Variants in NOX3 observed in about 807,000 individuals in gnomAD.
NOX3 encodes the protein NADPH oxidase catalytic subunit-like 3.
NOX3 carries 74 observed loss-of-function variants against 76.7 expected under a neutral mutation model. The observed-to-expected ratio is 0.96, with a 90% CI of 0.80 to 1.17. The LOEUF is 1.17. Ranked by LOEUF, NOX3 falls within the 50% of genes most tolerant of loss-of-function variation. The pLI is 0.00. For synonymous variants in NOX3, 263 were observed against 261.1 expected, an observed-to-expected ratio of 1.01 and a Z score of -0.07; for missense variants, 695 against 703.3, an observed-to-expected ratio of 0.99 and a Z score of 0.13.
At chr6:155,430,368 T>TC (rs551017709) in intron 8 of NOX3, among the ~76,000 whole-genome samples, 52 of 152,192 alleles carry the variant, frequency 3.4e-4, no homozygotes, top group African/African-American at 1.3e-3. Context: ...CCATTTTTCT[T>TC]CCCCACAGTG....
chr6:155,432,801 TC>T (rs1776852080), intron 7 of NOX3, among the ~76,000 whole-genome samples: 1 of 152,044 alleles, frequency 6.6e-6, no homozygotes, highest in South Asian at 2.1e-4. Flanking sequence ...AAACCTTTTG[TC>T]CCCCTATGCT....
At chr6:155,453,515 T>C (rs1343615259) in intron 3 of NOX3, 27 bp from the exon 4 acceptor site, 1 of 1,546,554 alleles carries the variant, frequency 6.5e-7, no homozygotes, top group Non-Finnish European at 8.9e-7. Context: ...ATATGCCTGA[T>C]TTATGGAAAA....
At chr6:155,428,773 A>C (rs747559102) in intron 9 of NOX3, 21 bp downstream of exon 9, 123 of 1,470,756 alleles carry the variant, frequency 8.4e-5, no homozygotes, top group Non-Finnish European at 1.0e-4. Context: ...CAATTTATAC[A>C]TGAGAGAAAT....
chr6:155,428,591 T>TC (rs1448919311), intron 9 of NOX3, among the ~76,000 whole-genome samples: 24 of 148,798 alleles, frequency 1.6e-4, no homozygotes, highest in East Asian at 9.8e-4. Context: ...TTTTTCTTTT[T>TC]TTTTTTTTTT....
intron 10 of NOX3, among the ~76,000 whole-genome samples, chr6:155,412,316 G>A (rs1375198121): frequency 6.6e-6 from 1 of 152,066 alleles, no homozygotes; most frequent in Non-Finnish European, 1.5e-5. Context: ...CAGCTTGTAA[G>A]CTCACGATCA....
intron 12 of NOX3, among the ~76,000 whole-genome samples, chr6:155,403,685 G>A (rs889995851): frequency 8.5e-5 from 13 of 152,184 alleles, no homozygotes; most frequent in African/African-American, 3.1e-4. Context: ...TGGTAATACA[G>A]TTTTGCCACC....
At chr6:155,411,748 A>T (rs1281536202) in intron 10 of NOX3, among the ~76,000 whole-genome samples, 1 of 152,180 alleles carries the variant, frequency 6.6e-6, no homozygotes, top group Non-Finnish European at 1.5e-5. Flanking sequence ...TTATGACCTA[A>T]GCTCTGGATT....
At chr6:155,396,558 T>A (rs1307725495) in intron 13 of NOX3, among the ~76,000 whole-genome samples, 1 of 152,180 alleles carries the variant, frequency 6.6e-6, no homozygotes, top group Non-Finnish European at 1.5e-5. Flanking sequence ...ACTTTTACAA[T>A]GTTTAAAAAT....
chr6:155,447,015 C>T (rs976465917), intron 4 of NOX3, among the ~76,000 whole-genome samples: 1 of 150,874 alleles, frequency 6.6e-6, no homozygotes. Flanking sequence ...TTTATAACTT[C>T]TTTTTTGCAG....
intron 10 of NOX3, among the ~76,000 whole-genome samples, chr6:155,413,696 A>T (rs577618055): frequency 5.1e-4 from 77 of 152,296 alleles, no homozygotes; most frequent in Non-Finnish European, 8.2e-4. Flanking sequence ...CTACTGGCTG[A>T]ATTAATGCAG....
intron 4 of NOX3, among the ~76,000 whole-genome samples, chr6:155,444,659 A>G (rs1777036946): frequency 6.6e-6 from 1 of 152,216 alleles, no homozygotes; most frequent in Non-Finnish European, 1.5e-5. Context: ...GTCACACCTC[A>G]AACTGCAAAA....
chr6:155,423,137 T>A (rs1466098922), intron 9 of NOX3, among the ~76,000 whole-genome samples: 1 of 152,202 alleles, frequency 6.6e-6, no homozygotes, highest in African/African-American at 2.4e-5. Context: ...CCATGTGGCA[T>A]GCTCTCCTTA....
In NOX3 at chr6:155,422,800, A is replaced by T; in HGVS notation, c.1202T>A (p.Val401Glu). 6.2e-7 allele frequency: 1 copy of T among 1,614,142 alleles called. No homozygotes were observed. Among genetic ancestry groups the T allele is most frequent in the Non-Finnish European group, 8.5e-7 (1 of 1,179,998 alleles). Residue 401 changes from valine (V) to glutamate (E), a missense_variant, in exon 10 of 14, where the codon GTG becomes GAG. By Grantham distance (121) the Val-to-Glu change is moderately radical. Coordinates refer to ENST00000159060, the MANE Select transcript of NOX3 (RefSeq NM_015718.3). ...TALTDVFHYP[V>E]CVCVAAGIGV... The stretch of plus-strand genomic sequence containing the variant: ...GATCCCCGCGGCAACGCACACACAC[A>T]CTGGGTAGTGAAATACATCTGTCAG...
Position 155,453,421 on chromosome 6 carries a change from C to A in NOX3, c.323G>T (p.Gly108Val). The change falls in exon 4 of 14, where the codon GGG becomes GTG. Residue 108 changes from glycine to valine, a missense_variant. By Grantham distance (109) the Gly-to-Val change is moderately radical. Transcript: ENST00000159060. ...NLRFHKLVAY[G>V]IAVNATIHIV... ...GTACTTACTTGCATTAACAGCTATCCCATAGGCGACCAGTTTGTGAAATCT... is the reference window on the plus strand; with the variant it reads ...GTACTTACTTGCATTAACAGCTATCACATAGGCGACCAGTTTGTGAAATCT... 1.2e-6 allele frequency: 2 copies of A among 1,613,054 alleles called. No homozygotes were observed. Among genetic ancestry groups the A allele is most frequent in the Non-Finnish European group, 1.7e-6 (2 of 1,179,074 alleles).
At chr6:155,424,958 C>G (rs1776738744) in intron 9 of NOX3, among the ~76,000 whole-genome samples, 1 of 152,194 alleles carries the variant, frequency 6.6e-6, no homozygotes, top group Non-Finnish European at 1.5e-5. Flanking sequence ...ATTTCTACAT[C>G]TTTAGAATTG....
intron 11 of NOX3, among the ~76,000 whole-genome samples, chr6:155,409,576 C>G (rs1776514600): frequency 1.3e-5 from 2 of 152,150 alleles, no homozygotes; most frequent in Non-Finnish European, 2.9e-5. Flanking sequence ...TTCACAATAC[C>G]TCTTCCATCT....
At chr6:155,407,332 T>C in intron 11 of NOX3, 78 bp from the exon 12 acceptor site, 1 of 1,333,560 alleles carries the variant, frequency 7.5e-7, no homozygotes, top group Non-Finnish European at 1.0e-6. Flanking sequence ...AAAGTAATCA[T>C]GTTCATTTGT....
rs1163063650 is a variant in NOX3, at chr6:155,411,253, CAG to C, written c.1414_1415del (p.Leu472GlufsTer11). 6.2e-7 allele frequency: 1 copy of C among 1,614,022 alleles called. No homozygotes were observed. Among genetic ancestry groups the C allele is most frequent in the Non-Finnish European group, 8.5e-7 (1 of 1,179,968 alleles). ...AGCCGGTAAGAAATATATGATAACT[CAG>C]AAAGTGAGTTTTCCCCTGCTCACTC... ...RMSEQGKTHF[L>X]SYHIFLTGWD... is the part of the protein sequence containing the mutation. On this transcript the variant is annotated frameshift_variant, in exon 11 of 14. Coordinates refer to ENST00000159060, the MANE Select transcript of NOX3 (RefSeq NM_015718.3). LOFTEE classifies it high-confidence loss of function.
At chr6:155,437,143 A>G (rs1472192762) in intron 6 of NOX3, among the ~76,000 whole-genome samples, 1 of 152,182 alleles carries the variant, frequency 6.6e-6, no homozygotes, top group Non-Finnish European at 1.5e-5. Context: ...GGCAGTCCTA[A>G]TGACCGGAGC....
Sources: allele counts gnomAD v4.1 joint callset (sites outside exome capture counted in the v4.1 genomes callset), GRCh38; gene constraint gnomAD v4.1.1; transcripts MANE v1.5; gene names NCBI Gene and HGNC (gene_info 2026-07-23, HGNC 2026-07-21).